Variants in L3HYPDH observed in about 807,000 individuals in gnomAD.
The protein encoded by L3HYPDH is trans-L-3-hydroxyproline dehydratase.
L3HYPDH carries 32 observed loss-of-function variants against 26.5 expected under a neutral mutation model. The ratio of observed to expected loss-of-function variants is 1.21; its 90% CI spans 0.91 to 1.62. The LOEUF is 1.62. Ranked by LOEUF, L3HYPDH falls within the 40% of genes most tolerant of loss-of-function variation. L3HYPDH has a pLI of 0.00. For missense variants in L3HYPDH, 554 were observed against 476.4 expected, an observed-to-expected ratio of 1.16 and a Z score of -1.52; for synonymous variants, 215 against 196.6, an observed-to-expected ratio of 1.09 and a Z score of -0.78.
the L3HYPDH span, chr14:59,501,030 A>G: frequency 1.8e-6 from 1 of 564,802 alleles, no homozygotes. Context: ...CCTTTCCAGA[A>G]AAAGCTTGCT....
Position 59,484,298 on chromosome 14 carries a change from C to A in L3HYPDH, c.19G>T (p.Val7Leu), listed in dbSNP as rs530461059. 6 of 1,590,390 alleles carry A rather than the reference C, an allele frequency of 3.8e-6. No homozygotes were observed. In the East Asian group the frequency reaches 1.3e-4, roughly 36 times the overall value. The change falls in exon 1 of 5, where the codon GTG becomes TTG. Residue 7 changes from valine (V) to leucine (L), a missense_variant. Physicochemically the swap from Val to Leu is conservative, Grantham distance 32 (BLOSUM62 1). Coordinates refer to ENST00000247194, the MANE Select transcript of L3HYPDH (RefSeq NM_144581.2). ...GGATCATGCGGGGGCAGCCGGGGCA[C>A]CGCCAGCGCGCTCTCCATGGTCTGC... is the stretch of plus-strand genomic sequence containing the variant. MESALA[V>L]PRLPPHDPGT...
chr14:59,501,344 A>AT, the L3HYPDH span: 1 of 871,636 alleles, frequency 1.1e-6, no homozygotes. Context: ...TCCATATGAT[A>AT]TGATATAGTA....
At chr14:59,484,809 G>A, upstream of L3HYPDH, 1 of 922,758 alleles carries the variant, frequency 1.1e-6, no homozygotes, top group Non-Finnish European at 1.6e-6. Flanking sequence ...TGTCTGCGGC[G>A]AAATGCCAGG....
At chr14:59,502,755 T>TGGTTTTTTTTCTTTGTTTTTG in the L3HYPDH span, among the ~76,000 whole-genome samples, 20 of 122,954 alleles carry the variant, frequency 1.6e-4, no homozygotes, top group East Asian at 1.5e-3. Context: ...ATGAGATTTT[T>TGGTTTTTTTTCTTTGTTTTTG]TTTTTTTTTT....
At chr14:59,483,617 G>A in intron 1 of L3HYPDH, 192 bp downstream of exon 1, 2 of 1,434,978 alleles carry the variant, frequency 1.4e-6, no homozygotes, top group Non-Finnish European at 1.8e-6. Flanking sequence ...TGGGAGTCAG[G>A]GAAAATCGAA....
chr14:59,484,591 T>C (rs371808081), upstream of L3HYPDH: 27 of 1,578,230 alleles, frequency 1.7e-5, no homozygotes, highest in Non-Finnish European at 2.2e-5. Flanking sequence ...AGGCGGCCCA[T>C]GGGTGAGTGG....
the L3HYPDH span, among the ~76,000 whole-genome samples, chr14:59,490,565 T>C: frequency 6.6e-6 from 1 of 152,162 alleles, no homozygotes; most frequent in Non-Finnish European, 1.5e-5. Flanking sequence ...AAATAGACTA[T>C]GGTAGTTGGA....
chr14:59,496,702 A>C, the L3HYPDH span, among the ~76,000 whole-genome samples: 1 of 152,220 alleles, frequency 6.6e-6, no homozygotes. Context: ...GTCAATCAGA[A>C]TCATCACACA....
chr14:59,503,897 T>C, the L3HYPDH span: 1 of 1,613,512 alleles, frequency 6.2e-7, no homozygotes, highest in Non-Finnish European at 8.5e-7. Flanking sequence ...CTTATTGTTC[T>C]CTTCAGCCAC....
chr14:59,487,603 G>A (rs964395234), upstream of L3HYPDH: 6 of 1,155,666 alleles, frequency 5.2e-6, no homozygotes, highest in Admixed American at 9.0e-5. Context: ...ATGTCTTATA[G>A]AATGATTTGG....
At position 59,483,789 on chromosome 14, in the gene L3HYPDH, G is replaced by A; in HGVS notation, c.508+20C>T. ...CCCGGTTGCAGCTCTGCCCTGGGCT[G>A]GAAAGGTCCCGCCCATTACCTGTGG... On this transcript the variant is annotated intron_variant, in intron 1 of 4. Transcript: ENST00000247194. The A allele has an allele frequency of 1.3e-6, 2 of 1,588,790 alleles. No homozygotes were observed. Among genetic ancestry groups the A allele is most frequent in the South Asian group, 2.2e-5 (2 of 88,984 alleles).
chr14:59,485,242 T>C (rs540232394), upstream of L3HYPDH: 21 of 977,616 alleles, frequency 2.1e-5, 1 homozygote, highest in South Asian at 3.4e-4. Flanking sequence ...GTAAAGCCCA[T>C]ACAGAAGTTT....
At chr14:59,484,960 A>G (rs1319176234), upstream of L3HYPDH, 1 of 1,528,362 alleles carries the variant, frequency 6.5e-7, no homozygotes, top group African/African-American at 1.4e-5. Flanking sequence ...TTGCTGCATA[A>G]TTTGTCTACT....
At chr14:59,488,278 G>A (rs1053841245), upstream of L3HYPDH, among the ~76,000 whole-genome samples, 1 of 152,030 alleles carries the variant, frequency 6.6e-6, no homozygotes, top group Non-Finnish European at 1.5e-5. Flanking sequence ...TTTATGTTTG[G>A]AAGATCAGGG....
the L3HYPDH span, among the ~76,000 whole-genome samples, chr14:59,503,125 C>T: frequency 2.4e-5 from 3 of 125,088 alleles, no homozygotes; most frequent in African/African-American, 1.0e-4. Flanking sequence ...TGTTTCTCTG[C>T]CCCTGTGAAT....
At chr14:59,502,755 T>TGTTG in the L3HYPDH span, among the ~76,000 whole-genome samples, 14 of 122,950 alleles carry the variant, frequency 1.1e-4, no homozygotes, top group African/African-American at 4.2e-4. Context: ...ATGAGATTTT[T>TGTTG]TTTTTTTTTT....
chr14:59,504,298 G>A, the L3HYPDH span: 2 of 499,414 alleles, frequency 4.0e-6, no homozygotes, highest in Non-Finnish European at 7.1e-6. Context: ...TGCTACACTG[G>A]AAGGCCGCTA....
Position 59,483,878 on chromosome 14 carries a change from C to G in L3HYPDH, c.439G>C (p.Ala147Pro), listed in dbSNP as rs982375708. 6.3e-7 allele frequency: 1 copy of G among 1,575,702 alleles called. No homozygotes were observed. Among genetic ancestry groups the G allele is most frequent in the African/African-American group, 1.3e-5 (1 of 74,284 alleles). Residue 147 changes from alanine (A) to proline (P), a missense_variant, in exon 1 of 5, where the codon GCA (alanine) becomes CCA (proline). By Grantham distance (27) the Ala-to-Pro change is conservative. Coordinates refer to ENST00000247194, the MANE Select transcript of L3HYPDH (RefSeq NM_144581.2). ...CCGTGGCTGCGGCCGTCCTCGCATG[C>G]CACGAAGGCGGTCACCAGCCCGCAG... is the stretch of plus-strand genomic sequence containing the variant. ...CPCGLVTAFV[A>P]CEDGRSHGPV...
the L3HYPDH span, chr14:59,498,733 C>A: frequency 1.4e-6 from 2 of 1,481,056 alleles, no homozygotes; most frequent in South Asian, 1.2e-5. Flanking sequence ...ACAGATATAC[C>A]ATTGTATTTA....
Sources: gnomAD v4.1 joint callset for allele counts (sites outside exome capture counted in the v4.1 genomes callset) on GRCh38, gnomAD v4.1.1 for gene constraint, MANE v1.5 for transcripts, NCBI Gene and HGNC (gene_info 2026-07-23, HGNC 2026-07-21) for gene names.